Variants in DPYD observed in about 807,000 individuals in gnomAD.
DPYD encodes the protein dihydropyrimidine dehydrogenase [NADP(+)].
DPYD carries 109 observed loss-of-function variants against 116.2 expected under a neutral mutation model. The observed-to-expected ratio is 0.94, with a 90% CI of 0.80 to 1.10. DPYD has a LOEUF of 1.10. DPYD is among the 50% of genes least tolerant of loss of function. The probability of loss-of-function intolerance (pLI) is 0.00; values close to 1 mark genes in which losing one functional copy is unlikely to be tolerated. For missense variants in DPYD, 1,302 were observed against 1,254.5 expected, an observed-to-expected ratio of 1.04 and a Z score of -0.57; for synonymous variants, 440 against 432.0, an observed-to-expected ratio of 1.02 and a Z score of -0.23.
At chr1:97,787,441 T>C (rs1210376282) in intron 3 of DPYD, among the ~76,000 whole-genome samples, 1 of 152,176 alleles carries the variant, frequency 6.6e-6, no homozygotes, top group African/African-American at 2.4e-5. Flanking sequence ...ATGGCAGTCA[T>C]CCATGGCAAA....
intron 16 of DPYD, among the ~76,000 whole-genome samples, chr1:97,317,332 T>A (rs1019220838): frequency 2.0e-5 from 3 of 151,942 alleles, no homozygotes; most frequent in Non-Finnish European, 4.4e-5. Flanking sequence ...GTGGACCAGC[T>A]GAGCCAAAAT....
intron 3 of DPYD, among the ~76,000 whole-genome samples, chr1:97,826,167 A>G (rs537761423): frequency 1.3e-5 from 2 of 152,320 alleles, no homozygotes; most frequent in East Asian, 3.9e-4. Context: ...TATTCCAGGC[A>G]GGTAATACTT....
intron 18 of DPYD, among the ~76,000 whole-genome samples, chr1:97,255,289 T>C (rs982531967): frequency 1.3e-5 from 2 of 152,178 alleles, no homozygotes; most frequent in African/African-American, 4.8e-5. Flanking sequence ...GTAAGTGTTA[T>C]ACAAATATTA....
intron 5 of DPYD, among the ~76,000 whole-genome samples, chr1:97,718,814 A>G (rs965942967): frequency 4.0e-4 from 61 of 152,008 alleles, no homozygotes; most frequent in African/African-American, 1.3e-3. Flanking sequence ...GGTCTATTAA[A>G]TGTAAATAAT....
intron 1 of DPYD, among the ~76,000 whole-genome samples, chr1:97,886,650 C>T (rs1672502058): frequency 6.6e-6 from 1 of 152,022 alleles, no homozygotes; most frequent in South Asian, 2.1e-4. Flanking sequence ...TCCCAGAAGA[C>T]ACAAGCCATA....
At chr1:97,263,605 A>AGAAAATATAGTGG (rs374248545) in intron 18 of DPYD, among the ~76,000 whole-genome samples, 16 of 152,140 alleles carry the variant, frequency 1.1e-4, no homozygotes, top group African/African-American at 3.6e-4. Flanking sequence ...ATTACACTTA[A>AGAAAATATAGTGG]GAAAATATAG....
At chr1:97,185,831 G>A (rs1365058219) in intron 20 of DPYD, among the ~76,000 whole-genome samples, 1 of 152,182 alleles carries the variant, frequency 6.6e-6, no homozygotes, top group Non-Finnish European at 1.5e-5. Flanking sequence ...AAGATGTAAT[G>A]GCTGGAAAAG....
intron 16 of DPYD, among the ~76,000 whole-genome samples, chr1:97,344,600 C>T (rs193154776): frequency 1.3e-4 from 20 of 151,674 alleles, no homozygotes; most frequent in African/African-American, 4.8e-4. Flanking sequence ...TGTCACCACA[C>T]ACACACACAC....
chr1:97,087,611 A>T (rs984440099), intron 21 of DPYD, among the ~76,000 whole-genome samples: 3 of 152,144 alleles, frequency 2.0e-5, no homozygotes, highest in Non-Finnish European at 4.4e-5. Flanking sequence ...GCCAGGAGCA[A>T]AGTTGGTTCA....
At chr1:97,180,675 A>G (rs1216453562) in intron 20 of DPYD, among the ~76,000 whole-genome samples, 2 of 152,180 alleles carry the variant, frequency 1.3e-5, no homozygotes, top group African/African-American at 4.8e-5. Flanking sequence ...TGTGTTGAAT[A>G]TGAAAAGCAT....
chr1:97,305,757 T>C (rs1030931758), intron 17 of DPYD, among the ~76,000 whole-genome samples: 2 of 151,982 alleles, frequency 1.3e-5, no homozygotes, highest in African/African-American at 4.8e-5. Context: ...GGAAGTCAGC[T>C]AGGCCCTACA....
intron 8 of DPYD, among the ~76,000 whole-genome samples, chr1:97,615,517 C>A (rs1557838697): frequency 6.6e-6 from 1 of 152,158 alleles, no homozygotes. Flanking sequence ...CCCTCTCCAT[C>A]AAACTTCATT....
chr1:97,721,442 A>G, intron 5 of DPYD, 68 bp downstream of exon 5: 1 of 1,584,500 alleles, frequency 6.3e-7, no homozygotes, highest in Non-Finnish European at 8.7e-7. Flanking sequence ...ACCAAGGATT[A>G]AAGTTATTTT....
chr1:97,556,227 G>C (rs945812865), intron 11 of DPYD, among the ~76,000 whole-genome samples: 2 of 152,126 alleles, frequency 1.3e-5, no homozygotes, highest in Admixed American at 6.5e-5. Context: ...TCCTCCTCAT[G>C]AAAGTCTTTT....
Position 97,819,715 on chromosome 1 carries a change from C to G in DPYD, c.233+8399G>C, listed in dbSNP as rs374443255. Among the ~76,000 whole-genome samples, 27 of 152,110 alleles carry G rather than the reference C, an allele frequency of 1.8e-4. No individual in the cohort carries two copies. The East Asian group carries it at 4.6e-3, about 26-fold the overall frequency. On this transcript the variant is annotated intron_variant, in intron 3 of 22. Transcript: ENST00000370192. The stretch of plus-strand genomic sequence containing the variant: ...TTGCTAATCTCAAATACTTAGCATG[C>G]CTTGTCCTTCCACTCTTCCATTTTT...
rs771534236 is a variant in DPYD at position 97,721,634 on chromosome 1, T to C, written c.359A>G (p.Asn120Ser). ...CATTCCACAAGTCAGACCAAGTGGG[T>C]TGTCAGAAAATATCATCTTAGCAGC... The part of the protein sequence containing the change: ...YGAAKMIFSD[N>S]PLGLTCGMVC... The change falls in exon 5 of 23, where the codon AAC becomes AGC. Residue 120 changes from asparagine (N) to serine (S), a missense_variant. By Grantham distance (46) the Asn-to-Ser change is conservative. Transcript: ENST00000370192. The C allele has an allele frequency of 1.5e-5, 24 of 1,611,332 alleles. No homozygotes were observed. Among genetic ancestry groups the C allele is most frequent in the African/African-American group, 2.7e-5 (2 of 74,720 alleles).
At chr1:97,881,072 C>T (rs894893414) in intron 2 of DPYD, among the ~76,000 whole-genome samples, 1 of 151,828 alleles carries the variant, frequency 6.6e-6, no homozygotes, top group African/African-American at 2.4e-5. Context: ...ATTACTGGTG[C>T]AAGTGTTTGA....
chr1:97,687,529 G>A (rs1660800290), intron 7 of DPYD, among the ~76,000 whole-genome samples: 1 of 152,100 alleles, frequency 6.6e-6, no homozygotes, highest in Non-Finnish European at 1.5e-5. Flanking sequence ...CACTGTTAGT[G>A]GAATATAAAT....
At chr1:97,514,694 A>T (rs1457411556) in intron 13 of DPYD, among the ~76,000 whole-genome samples, 4 of 151,834 alleles carry the variant, frequency 2.6e-5, no homozygotes, top group African/African-American at 9.7e-5. Flanking sequence ...ATCTTTACGA[A>T]GGATTTTTTT....
Sources: gnomAD v4.1 joint callset for allele counts (sites outside exome capture counted in the v4.1 genomes callset) on GRCh38, gnomAD v4.1.1 for gene constraint, MANE v1.5 for transcripts, NCBI Gene and HGNC (gene_info 2026-07-23, HGNC 2026-07-21) for gene names.